ECT2L: variants seen among roughly 807,000 people sequenced by gnomAD.
The protein encoded by ECT2L is epithelial cell transforming 2 like, also known as epithelial cell-transforming sequence 2 oncogene-like.
A neutral mutation model predicts 122.8 loss-of-function variants in ECT2L; 126 were observed. The ratio of observed to expected loss-of-function variants is 1.03; its 90% CI spans 0.89 to 1.19. The LOEUF (loss-of-function observed/expected upper bound fraction) is 1.19. Ranked by LOEUF, ECT2L falls within the 50% of genes most tolerant of loss-of-function variation. The pLI, the probability that ECT2L is intolerant of heterozygous loss-of-function variation, is 0.00. For missense variants in ECT2L, 1,012 were observed against 1,064.1 expected (o/e 0.95, Z 0.68); for synonymous variants, 385 against 381.8 (o/e 1.01, Z -0.10).
chr6:138,840,533 CT>C, intron 5 of ECT2L, among the ~76,000 whole-genome samples: 1 of 152,170 alleles, frequency 6.6e-6, no homozygotes, highest in East Asian at 1.9e-4. Flanking sequence ...TCTATTTCAT[CT>C]TCATACTTAG....
intron 9 of ECT2L, 77 bp from the exon 10 acceptor site, chr6:138,853,949 A>AT: frequency 6.6e-7 from 1 of 1,518,778 alleles, no homozygotes; most frequent in East Asian, 2.3e-5. Flanking sequence ...TTGTGCTTAC[A>AT]TTTTCACAAG....
intron 12 of ECT2L, among the ~76,000 whole-genome samples, chr6:138,865,846 C>T (rs994001014): frequency 7.2e-5 from 11 of 152,180 alleles, no homozygotes; most frequent in South Asian, 2.1e-4. Flanking sequence ...TACTACTTTC[C>T]GCCTGACTAA....
chr6:138,864,196 T>C (rs537924852), intron 11 of ECT2L, among the ~76,000 whole-genome samples: 1 of 151,532 alleles, frequency 6.6e-6, no homozygotes, highest in African/African-American at 2.4e-5. Flanking sequence ...GTGGCACACA[T>C]CTGTAATCCC....
chr6:138,801,738 G>A (rs1342702783), intron 1 of ECT2L, among the ~76,000 whole-genome samples: 1 of 152,072 alleles, frequency 6.6e-6, no homozygotes, highest in Admixed American at 6.6e-5. Context: ...CTGGGTGACA[G>A]AGCGAGACTC....
At chr6:138,882,922 G>C in intron 16 of ECT2L, 51 bp downstream of exon 16, 1 of 1,586,794 alleles carries the variant, frequency 6.3e-7, no homozygotes, top group Non-Finnish European at 8.6e-7. Flanking sequence ...TAGAAAGGAA[G>C]TTACGTGTGG....
intron 20 of ECT2L, among the ~76,000 whole-genome samples, chr6:138,897,207 T>C (rs140569408): frequency 6.6e-6 from 1 of 152,268 alleles, no homozygotes; most frequent in African/African-American, 2.4e-5. Context: ...AGAGGCAGAT[T>C]TCTGAAACAC....
chr6:138,892,045 A>C (rs1163358597), intron 20 of ECT2L, among the ~76,000 whole-genome samples: 2 of 152,022 alleles, frequency 1.3e-5, no homozygotes. Flanking sequence ...GTCTCTCTTC[A>C]TCTGGTATTC....
At chr6:138,820,329 G>A (rs956004844) in intron 4 of ECT2L, among the ~76,000 whole-genome samples, 7 of 152,100 alleles carry the variant, frequency 4.6e-5, no homozygotes, top group African/African-American at 1.4e-4. Context: ...GAGGATGAAC[G>A]TCTTTTCTTC....
intron 13 of ECT2L, 67 bp from the exon 14 acceptor site, chr6:138,876,405 C>T: frequency 9.1e-7 from 1 of 1,100,924 alleles, no homozygotes; most frequent in Non-Finnish European, 1.4e-6. Context: ...CTCCTGCGGG[C>T]ACAGTACTGA....
At chr6:138,803,255 TAA>T (rs542418813) in intron 1 of ECT2L, among the ~76,000 whole-genome samples, 2 of 137,314 alleles carry the variant, frequency 1.5e-5, no homozygotes. Context: ...ATCCCAACTC[TAA>T]AAAAAAAAAG....
intron 10 of ECT2L, among the ~76,000 whole-genome samples, chr6:138,857,713 T>C (rs1309678094): frequency 6.6e-6 from 1 of 152,120 alleles, no homozygotes. Context: ...CAGGCTCTTC[T>C]TTCTCTGCAA....
chr6:138,839,023 G>A (rs931094259), intron 5 of ECT2L, among the ~76,000 whole-genome samples: 16 of 152,174 alleles, frequency 1.1e-4, no homozygotes, highest in African/African-American at 2.9e-4. Flanking sequence ...CTTGTGATCC[G>A]CCCGCCTCGG....
intron 6 of ECT2L, among the ~76,000 whole-genome samples, chr6:138,843,728 G>C (rs1044492273): frequency 2.0e-4 from 30 of 152,088 alleles, no homozygotes; most frequent in African/African-American, 6.8e-4. Context: ...GGGTCTCACT[G>C]TCACCCAGGC....
chr6:138,814,225 G>A (rs2128373766), intron 3 of ECT2L, among the ~76,000 whole-genome samples: 1 of 152,234 alleles, frequency 6.6e-6, no homozygotes, highest in South Asian at 2.1e-4. Context: ...TTTTCCAGAG[G>A]CCCTTCTTGG....
chr6:138,801,765 A>G (rs1775550787), intron 1 of ECT2L, among the ~76,000 whole-genome samples: 1 of 152,202 alleles, frequency 6.6e-6, no homozygotes, highest in Admixed American at 6.5e-5. Flanking sequence ...AAAAAAGAAA[A>G]AAGAAAAAAA....
At chr6:138,806,510 G>GTTTTT (rs1562449582) in intron 1 of ECT2L, among the ~76,000 whole-genome samples, 1 of 30,888 alleles carries the variant, frequency 3.2e-5, no homozygotes, top group African/African-American at 2.3e-4. Flanking sequence ...GAAAATTCAC[G>GTTTTT]CTTTTTTTTT....
chr6:138,819,865 C>A (rs1776212608), intron 4 of ECT2L, among the ~76,000 whole-genome samples: 1 of 151,352 alleles, frequency 6.6e-6, no homozygotes, highest in Admixed American at 6.6e-5. Flanking sequence ...CCAGCCTGGG[C>A]TACAGAGCAA....
chr6:138,869,974 A>C (rs1778190611), intron 13 of ECT2L, among the ~76,000 whole-genome samples: 1 of 152,198 alleles, frequency 6.6e-6, no homozygotes, highest in Non-Finnish European at 1.5e-5. Context: ...CCAAGAGTAC[A>C]TATGGTAACT....
chr6:138,862,160 A>G (rs1248560886), intron 10 of ECT2L, among the ~76,000 whole-genome samples: 1 of 152,170 alleles, frequency 6.6e-6, no homozygotes, highest in Non-Finnish European at 1.5e-5. Flanking sequence ...ACTGCTCTGG[A>G]TTAGTCTGTT....
Sources: allele counts gnomAD v4.1 joint callset (sites outside exome capture counted in the v4.1 genomes callset), GRCh38; gene constraint gnomAD v4.1.1; transcripts MANE v1.5; gene names NCBI Gene and HGNC (gene_info 2026-07-23, HGNC 2026-07-21).